Variants in GMDS observed in about 807,000 individuals in gnomAD.
The protein encoded by GMDS is GDP-mannose 4,6 dehydratase.
A neutral mutation model predicts 49.9 loss-of-function variants in GMDS; 20 were observed. That is an observed-to-expected ratio of 0.40 (90% CI 0.28 to 0.58). GMDS has a LOEUF of 0.58. Ranked by LOEUF, GMDS falls within the 20% of genes least tolerant of loss-of-function variation. GMDS has a pLI of 0.42. For missense variants in GMDS, 362 were observed against 481.4 expected (o/e 0.75, Z 2.32); for synonymous variants, 177 against 178.6 (o/e 0.99, Z 0.07).
intron 4 of GMDS, among the ~76,000 whole-genome samples, chr6:2,039,758 C>T (rs1459596326): frequency 6.6e-6 from 1 of 152,098 alleles, no homozygotes; most frequent in Non-Finnish European, 1.5e-5. Flanking sequence ...ATAACACCTT[C>T]TTCTGAAATC....
intron 7 of GMDS, among the ~76,000 whole-genome samples, chr6:1,880,917 A>G (rs1759330990): frequency 6.6e-6 from 1 of 152,190 alleles, no homozygotes; most frequent in Non-Finnish European, 1.5e-5. Flanking sequence ...GGTACTTAGT[A>G]GAAAAATTAA....
intron 4 of GMDS, among the ~76,000 whole-genome samples, chr6:2,099,261 C>A (rs1773787496): frequency 6.6e-6 from 1 of 152,002 alleles, no homozygotes; most frequent in South Asian, 2.1e-4. Flanking sequence ...AGCATCAATT[C>A]GTTAAATAGA....
chr6:1,914,894 G>A (rs1561887173), intron 7 of GMDS, among the ~76,000 whole-genome samples: 1 of 152,108 alleles, frequency 6.6e-6, no homozygotes, highest in East Asian at 1.9e-4. Flanking sequence ...TCCCACACAG[G>A]CCCCCCTCCT....
chr6:2,017,644 G>T (rs549017891), intron 4 of GMDS, among the ~76,000 whole-genome samples: 1 of 152,166 alleles, frequency 6.6e-6, no homozygotes, highest in South Asian at 2.1e-4. Context: ...GGAATTAGGA[G>T]TGCCAACCCC....
At chr6:2,216,168 T>C (rs1047812865) in intron 1 of GMDS, among the ~76,000 whole-genome samples, 2 of 152,204 alleles carry the variant, frequency 1.3e-5, no homozygotes, top group Non-Finnish European at 2.9e-5. Context: ...GGACAGCATA[T>C]AGACTTAAAA....
intron 4 of GMDS, among the ~76,000 whole-genome samples, chr6:2,039,608 A>C (rs1769529676): frequency 6.6e-6 from 1 of 151,776 alleles, no homozygotes; most frequent in South Asian, 2.1e-4. Flanking sequence ...TTTTTGTTAG[A>C]AATGAAGACA....
intron 4 of GMDS, among the ~76,000 whole-genome samples, chr6:2,063,688 C>T (rs1007222526): frequency 2.0e-5 from 3 of 152,166 alleles, no homozygotes; most frequent in African/African-American, 7.2e-5. Flanking sequence ...CAGAAACATG[C>T]AAGTCAAAAC....
At chr6:1,771,430 A>G (rs1768572134) in intron 7 of GMDS, among the ~76,000 whole-genome samples, 1 of 152,206 alleles carries the variant, frequency 6.6e-6, no homozygotes, top group Non-Finnish European at 1.5e-5. Flanking sequence ...TATGATAACA[A>G]TGCCTCCTTT....
chr6:2,065,118 G>A (rs563336083), intron 4 of GMDS, among the ~76,000 whole-genome samples: 8 of 152,226 alleles, frequency 5.3e-5, no homozygotes, highest in African/African-American at 1.9e-4. Flanking sequence ...CCTGACCCCT[G>A]ACCCCTGAGC....
At chr6:1,662,852 A>G (rs566581184) in intron 9 of GMDS, among the ~76,000 whole-genome samples, 1 of 152,318 alleles carries the variant, frequency 6.6e-6, no homozygotes, top group South Asian at 2.1e-4. Flanking sequence ...GAGGAATGCT[A>G]CTTTGGGGAT....
At chr6:1,642,590 G>A (rs1763364836) in intron 9 of GMDS, among the ~76,000 whole-genome samples, 1 of 152,182 alleles carries the variant, frequency 6.6e-6, no homozygotes, top group South Asian at 2.1e-4. Flanking sequence ...TCCCCCTAAG[G>A]TGAAGGTCAA....
intron 1 of GMDS, among the ~76,000 whole-genome samples, chr6:2,151,073 C>T (rs1213871753): frequency 4.6e-5 from 7 of 151,878 alleles, no homozygotes; most frequent in Non-Finnish European, 8.8e-5. Flanking sequence ...TTTATGGGTA[C>T]AAAAAATAGT....
chr6:1,905,375 T>C (rs941152878), intron 7 of GMDS, among the ~76,000 whole-genome samples: 13 of 146,044 alleles, frequency 8.9e-5, no homozygotes, highest in Non-Finnish European at 1.8e-4. Context: ...GGCCAGCACA[T>C]AGCTGTGGGT....
At chr6:2,070,159 A>G (rs1449880625) in intron 4 of GMDS, among the ~76,000 whole-genome samples, 1 of 151,258 alleles carries the variant, frequency 6.6e-6, no homozygotes, top group Non-Finnish European at 1.5e-5. Flanking sequence ...TCAGTAAACT[A>G]TCGCAAGAAC....
At chr6:2,041,892 G>A (rs1437450321) in intron 4 of GMDS, among the ~76,000 whole-genome samples, 1 of 152,182 alleles carries the variant, frequency 6.6e-6, no homozygotes, top group East Asian at 1.9e-4. Flanking sequence ...AAGAAGATAT[G>A]TGTCCAAGAG....
intron 9 of GMDS, among the ~76,000 whole-genome samples, chr6:1,644,554 A>G (rs1297256007): frequency 6.6e-6 from 1 of 152,088 alleles, no homozygotes; most frequent in Non-Finnish European, 1.5e-5. Flanking sequence ...TAGAAGACCA[A>G]ATTTGTGCTC....
intron 9 of GMDS, among the ~76,000 whole-genome samples, chr6:1,648,833 T>C (rs1466263387): frequency 6.6e-6 from 1 of 152,228 alleles, no homozygotes; most frequent in Admixed American, 6.5e-5. Flanking sequence ...CTGTTTGATT[T>C]CTCCACTAGC....
chr6:1,669,623 C>A (rs926206045), intron 9 of GMDS, among the ~76,000 whole-genome samples: 6 of 152,106 alleles, frequency 3.9e-5, no homozygotes, highest in African/African-American at 1.4e-4. Context: ...GCATCAAGAG[C>A]TGTCACCAGC....
At chr6:2,124,142 T>TA (rs1410858915) in intron 2 of GMDS, among the ~76,000 whole-genome samples, 1 of 151,956 alleles carries the variant, frequency 6.6e-6, no homozygotes, top group East Asian at 1.9e-4. Flanking sequence ...TCAAAATTAA[T>TA]ATATAAAACT....
Sources: allele counts gnomAD v4.1 joint callset (sites outside exome capture counted in the v4.1 genomes callset), GRCh38; gene constraint gnomAD v4.1.1; transcripts MANE v1.5; gene names NCBI Gene and HGNC (gene_info 2026-07-23, HGNC 2026-07-21).